The following BICC1 variants were observed in gnomAD, a reference collection of about 807,000 sequenced individuals.
BICC1 encodes the protein protein bicaudal C homolog 1.
A neutral mutation model predicts 111.0 loss-of-function variants in BICC1; 43 were observed. The ratio of observed to expected loss-of-function variants is 0.39; its 90% CI spans 0.30 to 0.50. The LOEUF (loss-of-function observed/expected upper bound fraction) is 0.50. Among genes scored for constraint, BICC1 ranks in the 20% least tolerant of loss-of-function variants. The pLI, the probability that BICC1 is intolerant of heterozygous loss-of-function variation, is 0.88. For missense variants in BICC1, 1,091 were observed against 1,203.2 expected (o/e 0.91, Z 1.38); for synonymous variants, 467 against 434.4 (o/e 1.07, Z -0.93).
At chr10:58,662,803 AG>A (rs1203757179) in intron 2 of BICC1, among the ~76,000 whole-genome samples, 3 of 152,208 alleles carry the variant, frequency 2.0e-5, no homozygotes, top group Non-Finnish European at 4.4e-5. Flanking sequence ...CTGGTAAGAA[AG>A]GAAAAGTATT....
chr10:58,751,075 A>G (rs1313711617), intron 3 of BICC1, among the ~76,000 whole-genome samples: 3 of 152,176 alleles, frequency 2.0e-5, no homozygotes, highest in Non-Finnish European at 4.4e-5. Context: ...GAAACAGAAG[A>G]TGCACACACC....
At chr10:58,753,443 A>G (rs934662636) in intron 3 of BICC1, among the ~76,000 whole-genome samples, 4 of 152,122 alleles carry the variant, frequency 2.6e-5, no homozygotes, top group Non-Finnish European at 5.9e-5. Flanking sequence ...TGCTGGGATT[A>G]CAGGTATAAG....
At chr10:58,735,063 G>GAT (rs1182961784) in intron 3 of BICC1, among the ~76,000 whole-genome samples, 2 of 152,130 alleles carry the variant, frequency 1.3e-5, no homozygotes, top group Non-Finnish European at 2.9e-5. Context: ...ATAGTACAAG[G>GAT]ATATAGTACA....
rs564304891 is a variant in BICC1, at chr10:58,826,652, G to A, written c.2795-2109G>A. Among the ~76,000 whole-genome samples, 25 of 107,274 alleles carry A rather than the reference G, an allele frequency of 2.3e-4. No individual in the cohort carries two copies. The South Asian group carries it at 6.0e-3, about 26-fold the overall frequency. The allele number at this position is 107,274 out of a possible 152,430, so 70.4% of individuals were successfully genotyped here. A position where few individuals can be genotyped will look rare whatever the true frequency, so the allele number is the denominator to read the frequency against. On this transcript the variant is annotated intron_variant, in intron 20 of 20. Coordinates refer to ENST00000373886, the MANE Select transcript of BICC1 (RefSeq NM_001080512.3). ...TGGGCACCTGTAGTCCCAGCTACTCGGGAGGCTGAGGCAGGAGAATGACAT... is the reference window on the plus strand; with the variant it reads ...TGGGCACCTGTAGTCCCAGCTACTCAGGAGGCTGAGGCAGGAGAATGACAT...
intron 3 of BICC1, among the ~76,000 whole-genome samples, chr10:58,759,619 A>G (rs1413094042): frequency 6.6e-6 from 1 of 152,172 alleles, no homozygotes; most frequent in Non-Finnish European, 1.5e-5. Flanking sequence ...TGTAAAAGAA[A>G]CTGAACATTG....
At chr10:58,578,003 G>T (rs1339927151) in intron 1 of BICC1, among the ~76,000 whole-genome samples, 1 of 152,144 alleles carries the variant, frequency 6.6e-6, no homozygotes, top group Non-Finnish European at 1.5e-5. Flanking sequence ...GCTGAAAGGA[G>T]ATTTCATTGT....
chr10:58,811,378 G>T (rs1281696760), intron 17 of BICC1, among the ~76,000 whole-genome samples: 4 of 152,170 alleles, frequency 2.6e-5, no homozygotes, highest in East Asian at 3.8e-4. Flanking sequence ...TAACGAGGTT[G>T]TCTGATTATT....
intron 3 of BICC1, among the ~76,000 whole-genome samples, chr10:58,711,743 GTCTCAGCTTTTCAGTTA>G (rs1840580533): frequency 6.6e-6 from 1 of 151,112 alleles, no homozygotes; most frequent in South Asian, 2.1e-4. Context: ...GAGGAAAATG[GTCTCAGCTTTTCAGTTA>G]TCTTCTCAAG....
chr10:58,720,618 A>T (rs1042826595), intron 3 of BICC1, among the ~76,000 whole-genome samples: 4 of 152,140 alleles, frequency 2.6e-5, no homozygotes, highest in African/African-American at 9.7e-5. Context: ...ACAGGAAGAG[A>T]GGAGACTATT....
At chr10:58,660,487 A>C (rs1838806679) in intron 2 of BICC1, among the ~76,000 whole-genome samples, 1 of 147,064 alleles carries the variant, frequency 6.8e-6, no homozygotes, top group African/African-American at 2.5e-5. Context: ...TAACCCATTA[A>C]AAAAAAAAAA....
chr10:58,707,767 G>A (rs1008782596), intron 3 of BICC1, among the ~76,000 whole-genome samples: 5 of 151,740 alleles, frequency 3.3e-5, no homozygotes, highest in African/African-American at 9.7e-5. Context: ...GCGCAATCTC[G>A]GCTCACCGCA....
In BICC1 at chr10:58,831,212, G is replaced by T. The variant is rs571211960; in HGVS notation, c.*2321G>T. ...TATATGATGCACAAAATATTTTGAT[G>T]ATTTGAATAAATGTTAACTTTTAAT... On this transcript the variant is annotated 3_prime_UTR_variant, in exon 21 of 21. Coordinates refer to ENST00000373886, the MANE Select transcript of BICC1 (RefSeq NM_001080512.3). 6.6e-6 allele frequency: 1 copy of T among 152,142 alleles called. No homozygotes were observed. Among genetic ancestry groups the T allele is most frequent in the Admixed American group, 6.5e-5 (1 of 15,276 alleles). 9.4% of individuals were successfully genotyped at this position (152,142 alleles called of 1,614,324 possible). A position where few individuals can be genotyped will look rare whatever the true frequency, so the allele number is the denominator to read the frequency against.
At chr10:58,771,124 AGAGT>A (rs1406947101) in intron 3 of BICC1, among the ~76,000 whole-genome samples, 1 of 152,216 alleles carries the variant, frequency 6.6e-6, no homozygotes, top group South Asian at 2.1e-4. Context: ...TGCCTGACTT[AGAGT>A]GAGTTCACAG....
At chr10:58,663,233 ATTTTT>A (rs919161061) in intron 2 of BICC1, among the ~76,000 whole-genome samples, 1 of 151,540 alleles carries the variant, frequency 6.6e-6, no homozygotes, top group Admixed American at 6.6e-5. Context: ...TACCTGGCTA[ATTTTT>A]TTATTTTTAG....
chr10:58,616,996 C>T (rs536874095), intron 1 of BICC1, among the ~76,000 whole-genome samples: 160 of 152,356 alleles, frequency 1.1e-3, no homozygotes, highest in African/African-American at 3.7e-3. Flanking sequence ...ACAAGCCCTA[C>T]GGGTAGTTGA....
At chr10:58,514,736 TC>T (rs1487538987) in intron 1 of BICC1, among the ~76,000 whole-genome samples, 1 of 152,192 alleles carries the variant, frequency 6.6e-6, no homozygotes, top group East Asian at 1.9e-4. Context: ...GATAAACTCT[TC>T]AAGTAAGACC....
intron 2 of BICC1, among the ~76,000 whole-genome samples, chr10:58,622,648 A>G (rs1021324660): frequency 3.9e-5 from 6 of 152,186 alleles, no homozygotes; most frequent in African/African-American, 7.2e-5. Context: ...AGGTGTCCGT[A>G]TAGGATTTGC....
intron 8 of BICC1, 115 bp from the exon 9 acceptor site, chr10:58,793,369 T>A: frequency 1.0e-6 from 1 of 985,802 alleles, no homozygotes; most frequent in Non-Finnish European, 1.5e-6. Flanking sequence ...CTTTAATACT[T>A]CAGTTTAGTC....
intron 1 of BICC1, among the ~76,000 whole-genome samples, chr10:58,553,865 C>T (rs1395201353): frequency 6.6e-6 from 1 of 151,528 alleles, no homozygotes; most frequent in African/African-American, 2.4e-5. Flanking sequence ...TAAAAAAAAC[C>T]AGTCTACTGG....
Sources: gnomAD v4.1 joint callset for allele counts (sites outside exome capture counted in the v4.1 genomes callset) on GRCh38, gnomAD v4.1.1 for gene constraint, MANE v1.5 for transcripts, NCBI Gene and HGNC (gene_info 2026-07-23, HGNC 2026-07-21) for gene names.